Variants in CDIN1 observed in about 807,000 individuals in gnomAD.
The protein encoded by CDIN1 is CDAN1 interacting nuclease 1.
CDIN1 carries 33 observed loss-of-function variants against 45.3 expected under a neutral mutation model. The observed-to-expected ratio is 0.73, with a 90% CI of 0.55 to 0.97. The LOEUF (loss-of-function observed/expected upper bound fraction) is 0.97. Among genes scored for constraint, CDIN1 ranks in the 50% least tolerant of loss-of-function variants. The pLI is 0.00. For synonymous variants in CDIN1, 118 were observed against 124.4 expected (o/e 0.95, Z 0.34); for missense variants, 303 against 339.4 (o/e 0.89, Z 0.84).
intron 3 of CDIN1, among the ~76,000 whole-genome samples, chr15:36,648,145 GT>G (rs1328072934): frequency 6.6e-6 from 1 of 152,038 alleles, no homozygotes; most frequent in Non-Finnish European, 1.5e-5. Flanking sequence ...GGCTGTGATA[GT>G]ATTAAAAAGG....
intron 1 of CDIN1, chr15:36,627,587 A>T (rs2039492398): frequency 6.5e-6 from 1 of 152,756 alleles, no homozygotes; most frequent in African/African-American, 2.4e-5. Flanking sequence ...CCCAGTGAGT[A>T]TCAGCATGGT....
intron 10 of CDIN1, among the ~76,000 whole-genome samples, chr15:36,735,973 T>A (rs1025507113): frequency 6.6e-6 from 1 of 152,216 alleles, no homozygotes; most frequent in Non-Finnish European, 1.5e-5. Context: ...TATCTGGTCA[T>A]AGGATTTAGT....
chr15:36,732,198 G>C (rs1471383850), intron 10 of CDIN1, among the ~76,000 whole-genome samples: 1 of 152,118 alleles, frequency 6.6e-6, no homozygotes. Context: ...TCAGCCCAAT[G>C]CTGCACTTTC....
intron 10 of CDIN1, among the ~76,000 whole-genome samples, chr15:36,800,909 G>GTGTGTGTATATATATATATATATA (rs1156514805): frequency 2.2e-4 from 5 of 22,388 alleles, no homozygotes; most frequent in East Asian, 2.4e-3. Context: ...GTGTGTGTGT[G>GTGTGTGTATATATATATATATATA]TATATATATA....
At chr15:36,594,115 A>G (rs753942421) in intron 1 of CDIN1, among the ~76,000 whole-genome samples, 46 of 152,176 alleles carry the variant, frequency 3.0e-4, no homozygotes, top group Non-Finnish European at 6.3e-4. Context: ...GCAAGACAGT[A>G]ATTTTTCTCC....
chr15:36,709,389 G>A, intron 9 of CDIN1, 101 bp downstream of exon 9: 3 of 746,534 alleles, frequency 4.0e-6, no homozygotes, highest in South Asian at 3.2e-5. Flanking sequence ...ATAAATGGGT[G>A]GATAATTGGA....
At chr15:36,619,702 G>C (rs2039075457) in intron 1 of CDIN1, among the ~76,000 whole-genome samples, 1 of 151,832 alleles carries the variant, frequency 6.6e-6, no homozygotes, top group Non-Finnish European at 1.5e-5. Context: ...ATTTTTTGAA[G>C]AAGCATTTCT....
At chr15:36,737,754 T>C (rs946786942) in intron 10 of CDIN1, among the ~76,000 whole-genome samples, 6 of 152,164 alleles carry the variant, frequency 3.9e-5, no homozygotes, top group Admixed American at 1.3e-4. Flanking sequence ...CAAATAAGAA[T>C]ACTCATATAC....
chr15:36,759,262 A>C (rs1292426744), intron 10 of CDIN1, among the ~76,000 whole-genome samples: 1 of 152,072 alleles, frequency 6.6e-6, no homozygotes, highest in Non-Finnish European at 1.5e-5. Context: ...ACAAAGGAGA[A>C]TTTGGCTTAA....
intron 5 of CDIN1, among the ~76,000 whole-genome samples, chr15:36,668,541 AC>A (rs1442381611): frequency 1.3e-5 from 2 of 152,150 alleles, no homozygotes; most frequent in African/African-American, 2.4e-5. Flanking sequence ...GCCTGAATGC[AC>A]AAATGAACAA....
intron 1 of CDIN1, chr15:36,617,999 G>A (rs1483624383): frequency 1.1e-5 from 9 of 788,902 alleles, no homozygotes; most frequent in Non-Finnish European, 1.9e-5. Context: ...TGCCTCCCCA[G>A]TCTTTATGCA....
chr15:36,747,036 A>G (rs1436187945), intron 10 of CDIN1: 1 of 398,316 alleles, frequency 2.5e-6, no homozygotes, highest in Admixed American at 4.4e-5. Context: ...GGAGCGAGGA[A>G]ACATTTTCTA....
At chr15:36,586,633 T>C (rs1274166759) in intron 1 of CDIN1, among the ~76,000 whole-genome samples, 1 of 152,206 alleles carries the variant, frequency 6.6e-6, no homozygotes, top group Non-Finnish European at 1.5e-5. Flanking sequence ...GTCCTAGTTA[T>C]TCAGGAGGCT....
intron 1 of CDIN1, among the ~76,000 whole-genome samples, chr15:36,582,584 CAAA>C (rs779928335): frequency 6.6e-6 from 1 of 152,082 alleles, no homozygotes; most frequent in Non-Finnish European, 1.5e-5. Flanking sequence ...GAATACAGCG[CAAA>C]AGGAAAATAC....
chr15:36,626,630 T>G, intron 1 of CDIN1: 2 of 318,670 alleles, frequency 6.3e-6, no homozygotes, highest in South Asian at 5.7e-5. Flanking sequence ...TAAATGCAGT[T>G]TCTTCTCTTT....
At chr15:36,612,179 C>T (rs534267056) in intron 1 of CDIN1, among the ~76,000 whole-genome samples, 90 of 152,228 alleles carry the variant, frequency 5.9e-4, no homozygotes, top group Middle Eastern at 3.4e-3. Context: ...GCAGAGTAAG[C>T]GTAAGTTTCA....
At chr15:36,617,780 T>A (rs2038965701) in intron 1 of CDIN1, 1 of 814,712 alleles carries the variant, frequency 1.2e-6, no homozygotes, top group Non-Finnish European at 2.2e-6. Flanking sequence ...AAGTTGTGAG[T>A]TTGCACACAG....
At chr15:36,769,931 G>C (rs776378183) in intron 10 of CDIN1, among the ~76,000 whole-genome samples, 1 of 152,114 alleles carries the variant, frequency 6.6e-6, no homozygotes, top group Admixed American at 6.5e-5. Context: ...AGCTCTTTTT[G>C]CTCTATTGGG....
chr15:36,589,617 T>G (rs6495852), intron 1 of CDIN1, among the ~76,000 whole-genome samples: 116,797 of 150,058 alleles, frequency 0.78, 45,987 homozygotes, highest in Middle Eastern at 0.95. Context: ...GCCATTCTCC[T>G]GCCTCAGCCT....
Sources: allele counts gnomAD v4.1 joint callset (sites outside exome capture counted in the v4.1 genomes callset), GRCh38; gene constraint gnomAD v4.1.1; transcripts MANE v1.5; gene names NCBI Gene and HGNC (gene_info 2026-07-23, HGNC 2026-07-21).